FRMD3: variants seen among roughly 807,000 people sequenced by gnomAD.
The protein encoded by FRMD3 is FERM domain containing 3.
FRMD3 carries 33 observed loss-of-function variants against 70.2 expected under a neutral mutation model. The ratio of observed to expected loss-of-function variants is 0.47; its 90% CI spans 0.36 to 0.63. FRMD3 has a LOEUF of 0.63. FRMD3 is among the 20% of genes least tolerant of loss of function. The probability of loss-of-function intolerance (pLI) is 0.00; values close to 1 mark genes in which losing one functional copy is unlikely to be tolerated. For missense variants in FRMD3, 632 were observed against 711.4 expected (o/e 0.89, Z 1.27); for synonymous variants, 279 against 255.9 (o/e 1.09, Z -0.86).
the FRMD3 span, among the ~76,000 whole-genome samples, chr9:83,560,393 C>T: frequency 6.6e-6 from 1 of 152,186 alleles, no homozygotes; most frequent in African/African-American, 2.4e-5. Flanking sequence ...AGAGACACTG[C>T]CCTTTCAGCC....
the FRMD3 span, among the ~76,000 whole-genome samples, chr9:83,573,475 T>C: frequency 9.8e-5 from 15 of 152,292 alleles, no homozygotes; most frequent in East Asian, 2.9e-3. Context: ...AAAATTAAGT[T>C]AAGCAAAGCA....
At chr9:83,524,843 TC>T (rs1249223242) in intron 1 of FRMD3, among the ~76,000 whole-genome samples, 6 of 152,118 alleles carry the variant, frequency 3.9e-5, no homozygotes, top group Non-Finnish European at 7.4e-5. Context: ...ACTCCACTTA[TC>T]ATAACATTGT....
chr9:83,359,447 A>T (rs1824511880), intron 3 of FRMD3, among the ~76,000 whole-genome samples: 1 of 152,176 alleles, frequency 6.6e-6, no homozygotes, highest in Non-Finnish European at 1.5e-5. Context: ...CTCATCTGTA[A>T]AATGGGAATA....
At chr9:83,430,681 C>G (rs1054115411) in intron 1 of FRMD3, among the ~76,000 whole-genome samples, 3 of 152,126 alleles carry the variant, frequency 2.0e-5, no homozygotes, top group African/African-American at 7.2e-5. Flanking sequence ...CTTTTTCACT[C>G]TAAAGTTTAA....
intron 1 of FRMD3, among the ~76,000 whole-genome samples, chr9:83,533,825 T>G (rs116637303): frequency 0.014 from 2,122 of 152,250 alleles, 60 homozygotes; most frequent in African/African-American, 0.048. Flanking sequence ...GCTAAGATTT[T>G]TAGTCAAATA....
At chr9:83,386,833 T>G (rs116654704) in intron 2 of FRMD3, among the ~76,000 whole-genome samples, 4 of 152,322 alleles carry the variant, frequency 2.6e-5, no homozygotes, top group African/African-American at 9.6e-5. Context: ...CCTCACACTT[T>G]TGAAGGTCAG....
chr9:83,331,080 AT>A (rs1271324563), intron 6 of FRMD3, among the ~76,000 whole-genome samples: 4 of 152,216 alleles, frequency 2.6e-5, no homozygotes, highest in Non-Finnish European at 5.9e-5. Flanking sequence ...TTACCATATG[AT>A]AGAGCAATCA....
chr9:83,254,489 G>T (rs1249729682), intron 13 of FRMD3, among the ~76,000 whole-genome samples: 1 of 151,274 alleles, frequency 6.6e-6, no homozygotes, highest in Non-Finnish European at 1.5e-5. Context: ...AGAACCAAGT[G>T]CAAACAAACC....
chr9:83,539,704 C>A (rs1399174286), upstream of FRMD3, among the ~76,000 whole-genome samples: 3 of 152,176 alleles, frequency 2.0e-5, no homozygotes, highest in Non-Finnish European at 4.4e-5. Flanking sequence ...GGACTTCTCT[C>A]TCTGCCTGCT....
At chr9:83,309,447 A>C in intron 10 of FRMD3, 89 bp downstream of exon 10, 1 of 738,964 alleles carries the variant, frequency 1.4e-6, no homozygotes, top group South Asian at 2.0e-5. Flanking sequence ...AACTGTATTA[A>C]AAGAAATAAA....
At chr9:83,437,028 T>C (rs1316056103) in intron 1 of FRMD3, among the ~76,000 whole-genome samples, 1 of 152,120 alleles carries the variant, frequency 6.6e-6, no homozygotes, top group Non-Finnish European at 1.5e-5. Context: ...TCTGCAATGG[T>C]TCCACCATGT....
intron 12 of FRMD3, among the ~76,000 whole-genome samples, chr9:83,293,979 GGAAA>G (rs1367528992): frequency 1.3e-5 from 2 of 152,186 alleles, no homozygotes; most frequent in Non-Finnish European, 2.9e-5. Context: ...ACAGCCTGGG[GGAAA>G]GAGTCAGCAA....
intron 1 of FRMD3, among the ~76,000 whole-genome samples, chr9:83,519,937 G>C (rs1428878054): frequency 1.3e-5 from 2 of 152,074 alleles, no homozygotes; most frequent in Non-Finnish European, 1.5e-5. Context: ...AGTGGGAGTT[G>C]AACAATGAGA....
At chr9:83,291,201 G>A (rs1052883045) in intron 12 of FRMD3, among the ~76,000 whole-genome samples, 2 of 152,200 alleles carry the variant, frequency 1.3e-5, no homozygotes, top group Non-Finnish European at 2.9e-5. Flanking sequence ...GTTGCTGGAT[G>A]TCCAATGTTT....
chr9:83,582,738 C>T, the FRMD3 span, among the ~76,000 whole-genome samples: 1 of 152,262 alleles, frequency 6.6e-6, no homozygotes, highest in East Asian at 1.9e-4. Context: ...TATATTTTTA[C>T]TTCAAAGCCC....
intron 1 of FRMD3, among the ~76,000 whole-genome samples, chr9:83,423,311 T>G (rs1273718575): frequency 6.6e-6 from 1 of 152,158 alleles, no homozygotes; most frequent in Non-Finnish European, 1.5e-5. Context: ...GTGTCAGGAA[T>G]GCTGAGGCTC....
rs370087341 is a variant in FRMD3 at position 83,342,690 on chromosome 9, G to A, written c.472+500C>T. On this transcript the variant is annotated intron_variant, in intron 5 of 13. Coordinates refer to ENST00000304195, the MANE Select transcript of FRMD3 (RefSeq NM_174938.6). ...GGATGGATGGATGGATGGATGGATAGATTAGATAGATAGATAGATAGATAG... is the reference window on the plus strand; with the variant it reads ...GGATGGATGGATGGATGGATGGATAAATTAGATAGATAGATAGATAGATAG... Among the ~76,000 whole-genome samples the A allele has an allele frequency of 1.5e-3, 200 of 133,522 alleles. 1 individual carries two copies. Among genetic ancestry groups the A allele is most frequent in the African/African-American group, 5.3e-3 (193 of 36,250 alleles). 87.6% of individuals were successfully genotyped at this position (133,522 alleles called of 152,430 possible). A position where few individuals can be genotyped will look rare whatever the true frequency, so the allele number is the denominator to read the frequency against.
chr9:83,507,433 C>T (rs1239321989), intron 1 of FRMD3, among the ~76,000 whole-genome samples: 8 of 145,896 alleles, frequency 5.5e-5, no homozygotes, highest in South Asian at 2.2e-4. Context: ...TTTGGGAGGC[C>T]GAGGCGGGTG....
At chr9:83,407,869 C>CTCA (rs1826161971) in intron 1 of FRMD3, among the ~76,000 whole-genome samples, 1 of 121,312 alleles carries the variant, frequency 8.2e-6, no homozygotes, top group African/African-American at 4.2e-5. Context: ...CTCTCTCTCT[C>CTCA]TCTCATCTTT....
Sources: gnomAD v4.1 joint callset for allele counts (sites outside exome capture counted in the v4.1 genomes callset) on GRCh38, gnomAD v4.1.1 for gene constraint, MANE v1.5 for transcripts, NCBI Gene and HGNC (gene_info 2026-07-23, HGNC 2026-07-21) for gene names.